Variants in ASAP1 observed in about 807,000 individuals in gnomAD.
ASAP1 encodes the protein arf-GAP with SH3 domain, ANK repeat and PH domain-containing protein 1.
A neutral mutation model predicts 145.2 loss-of-function variants in ASAP1; 43 were observed. The observed-to-expected ratio is 0.30, with a 90% CI of 0.23 to 0.38. The LOEUF (loss-of-function observed/expected upper bound fraction) is 0.38. Among genes scored for constraint, ASAP1 ranks in the 10% least tolerant of loss-of-function variants. The probability of loss-of-function intolerance (pLI) is 1.00; values close to 1 mark genes in which losing one functional copy is unlikely to be tolerated. For missense variants in ASAP1, 1,018 were observed against 1,355.3 expected, an observed-to-expected ratio of 0.75 and a Z score of 3.91; for synonymous variants, 546 against 515.5, an observed-to-expected ratio of 1.06 and a Z score of -0.80.
intron 2 of ASAP1, among the ~76,000 whole-genome samples, chr8:130,394,239 G>A (rs984856157): frequency 6.6e-6 from 1 of 152,142 alleles, no homozygotes; most frequent in South Asian, 2.1e-4. Flanking sequence ...GAGAAATATC[G>A]CTGAATTCTT....
chr8:130,416,043 T>C (rs1437421909), intron 1 of ASAP1, among the ~76,000 whole-genome samples: 1 of 152,194 alleles, frequency 6.6e-6, no homozygotes, highest in Non-Finnish European at 1.5e-5. Context: ...TAGACTCTCT[T>C]TTTAATGAGG....
intron 24 of ASAP1, among the ~76,000 whole-genome samples, chr8:130,100,651 G>A (rs989241050): frequency 6.6e-6 from 1 of 152,062 alleles, no homozygotes; most frequent in South Asian, 2.1e-4. Context: ...TTTGAGAAAT[G>A]TCTGTTCAGA....
At chr8:130,099,180 A>ATT (rs78544780) in intron 24 of ASAP1, among the ~76,000 whole-genome samples, 3 of 140,634 alleles carry the variant, frequency 2.1e-5, no homozygotes, top group Non-Finnish European at 4.7e-5. Context: ...GGCCTAGCTA[A>ATT]TTTTTTTTTT....
intron 4 of ASAP1, among the ~76,000 whole-genome samples, chr8:130,233,411 C>G (rs1818027434): frequency 6.6e-6 from 1 of 152,128 alleles, no homozygotes; most frequent in Non-Finnish European, 1.5e-5. Flanking sequence ...AAGAGCAAAG[C>G]TGGGGTCAGC....
intron 4 of ASAP1, among the ~76,000 whole-genome samples, chr8:130,232,880 G>A (rs2136631217): frequency 6.6e-6 from 1 of 152,254 alleles, no homozygotes; most frequent in East Asian, 1.9e-4. Context: ...AAAATGCATT[G>A]GGAAACAGAT....
intron 4 of ASAP1, among the ~76,000 whole-genome samples, chr8:130,227,701 CAT>C: frequency 6.6e-6 from 1 of 150,786 alleles, no homozygotes; most frequent in African/African-American, 2.4e-5. Context: ...GTATAGATAA[CAT>C]ATTGTTTATA....
At chr8:130,412,651 TTTC>T (rs1347871663) in intron 1 of ASAP1, among the ~76,000 whole-genome samples, 1 of 151,942 alleles carries the variant, frequency 6.6e-6, no homozygotes, top group Non-Finnish European at 1.5e-5. Flanking sequence ...TTTCTTTTCT[TTTC>T]TTCTTTTTTT....
intron 27 of ASAP1, among the ~76,000 whole-genome samples, chr8:130,063,812 C>T (rs2097424444): frequency 6.6e-6 from 1 of 152,166 alleles, no homozygotes; most frequent in African/African-American, 2.4e-5. Context: ...GTGCCGTGCC[C>T]AGCACCCTTT....
intron 3 of ASAP1, among the ~76,000 whole-genome samples, chr8:130,347,906 C>T (rs559207175): frequency 6.6e-6 from 1 of 152,288 alleles, no homozygotes; most frequent in African/African-American, 2.4e-5. Flanking sequence ...CCCCATTTTG[C>T]TTTAACCAAT....
intron 2 of ASAP1, among the ~76,000 whole-genome samples, chr8:130,380,717 A>G (rs1456974614): frequency 6.6e-6 from 1 of 152,130 alleles, no homozygotes. Flanking sequence ...GTTAAAAGGA[A>G]CACATGAAAT....
At chr8:130,241,402 C>G (rs533384588) in intron 3 of ASAP1, among the ~76,000 whole-genome samples, 1 of 152,216 alleles carries the variant, frequency 6.6e-6, no homozygotes, top group South Asian at 2.1e-4. Flanking sequence ...AATGGAAGTT[C>G]TATGAAAGCA....
At chr8:130,348,506 G>C (rs1825821357) in intron 3 of ASAP1, among the ~76,000 whole-genome samples, 1 of 152,184 alleles carries the variant, frequency 6.6e-6, no homozygotes. Flanking sequence ...ACAGCACCAT[G>C]ACAGAGGGCT....
intron 2 of ASAP1, among the ~76,000 whole-genome samples, chr8:130,393,225 G>A (rs568949622): frequency 2.6e-5 from 4 of 152,308 alleles, no homozygotes; most frequent in South Asian, 2.1e-4. Context: ...TGCAAGGGCT[G>A]TTTGCCATAT....
Position 130,092,004 on chromosome 8 carries a change from A to G in ASAP1, c.2541T>C (p.His847=). ...TLSDPPSPLP[H]GPPNKGAVPW... Reference sequence around the variant, plus strand: ...GAACTGCGCCTTTGTTTGGGGGCCCATGAGGTAGTGGGCTGGGAGGGTCGG... The same window carrying G: ...GAACTGCGCCTTTGTTTGGGGGCCCGTGAGGTAGTGGGCTGGGAGGGTCGG... The change falls in exon 25 of 30, where the codon CAT becomes CAC. Residue 847 remains histidine (H), a synonymous_variant. Coordinates refer to ENST00000518721, the MANE Select transcript of ASAP1 (RefSeq NM_018482.4). 6.4e-7 allele frequency: 1 copy of G among 1,561,890 alleles called. No homozygotes were observed. The highest frequency in any genetic ancestry group is 8.6e-7 in the Non-Finnish European group (1 of 1,160,406).
intron 27 of ASAP1, among the ~76,000 whole-genome samples, chr8:130,066,410 T>C (rs1038074849): frequency 6.6e-6 from 1 of 152,094 alleles, no homozygotes; most frequent in African/African-American, 2.4e-5. Context: ...AGGGTCTCAC[T>C]TCATTGCCCA....
chr8:130,125,756 T>A (rs1366592084), intron 17 of ASAP1, among the ~76,000 whole-genome samples, 200 bp downstream of exon 17: 1 of 152,124 alleles, frequency 6.6e-6, no homozygotes, highest in Admixed American at 6.6e-5. Flanking sequence ...ACATGTATGA[T>A]TCATCCTTTC....
At chr8:130,424,707 A>C (rs981114165) in intron 1 of ASAP1, among the ~76,000 whole-genome samples, 1 of 152,052 alleles carries the variant, frequency 6.6e-6, no homozygotes, top group Non-Finnish European at 1.5e-5. Flanking sequence ...AGAGTGGACA[A>C]AACAGGCCAG....
chr8:130,397,507 G>A (rs1054955001), intron 2 of ASAP1, among the ~76,000 whole-genome samples: 9 of 152,190 alleles, frequency 5.9e-5, no homozygotes, highest in African/African-American at 2.2e-4. Flanking sequence ...CTGCTCCTGT[G>A]ATTCCCTTGT....
intron 2 of ASAP1, among the ~76,000 whole-genome samples, chr8:130,371,321 A>C (rs1328350323): frequency 6.6e-6 from 1 of 152,220 alleles, no homozygotes; most frequent in Non-Finnish European, 1.5e-5. Context: ...AAGTCTATCT[A>C]ATTTCAAAGT....
Sources: allele counts gnomAD v4.1 joint callset (sites outside exome capture counted in the v4.1 genomes callset), GRCh38; gene constraint gnomAD v4.1.1; transcripts MANE v1.5; gene names NCBI Gene and HGNC (gene_info 2026-07-23, HGNC 2026-07-21).